Variants in PLPPR5 observed in about 807,000 individuals in gnomAD.
PLPPR5 encodes the protein phospholipid phosphatase related 5, also known as phospholipid phosphatase-related protein type 5.
A neutral mutation model predicts 33.9 loss-of-function variants in PLPPR5; 16 were observed. That is an observed-to-expected ratio of 0.47 (90% CI 0.32 to 0.72). The LOEUF (loss-of-function observed/expected upper bound fraction) is 0.72, where lower values mean the gene tolerates loss of function less well. PLPPR5 is among the 30% of genes least tolerant of loss of function. PLPPR5 has a pLI of 0.03. For missense variants in PLPPR5, 301 were observed against 406.7 expected, an observed-to-expected ratio of 0.74 and a Z score of 2.23; for synonymous variants, 163 against 150.3, an observed-to-expected ratio of 1.08 and a Z score of -0.62.
At chr1:98,913,220 A>G (rs1182357570) in intron 5 of PLPPR5, among the ~76,000 whole-genome samples, 1 of 152,190 alleles carries the variant, frequency 6.6e-6, no homozygotes, top group Non-Finnish European at 1.5e-5. Flanking sequence ...TGTTCCTGCA[A>G]CAGTCCCTCA....
At chr1:98,902,453 T>C (rs1398994679) in intron 5 of PLPPR5, among the ~76,000 whole-genome samples, 1 of 152,174 alleles carries the variant, frequency 6.6e-6, no homozygotes, top group Non-Finnish European at 1.5e-5. Context: ...AGATCATAAA[T>C]ATATGCAAAT....
chr1:98,937,822 C>T (rs1282919650), intron 3 of PLPPR5, among the ~76,000 whole-genome samples: 2 of 152,060 alleles, frequency 1.3e-5, no homozygotes, highest in African/African-American at 4.8e-5. Context: ...TTTGGGGTGG[C>T]TTGTTAAGGA....
intron 1 of PLPPR5, among the ~76,000 whole-genome samples, chr1:98,992,544 G>A (rs1388034835): frequency 6.6e-6 from 1 of 152,064 alleles, no homozygotes; most frequent in Non-Finnish European, 1.5e-5. Context: ...AAAATGGGTA[G>A]ATTTTGGTTA....
At chr1:98,909,539 T>C (rs773060825) in intron 5 of PLPPR5, among the ~76,000 whole-genome samples, 1 of 151,838 alleles carries the variant, frequency 6.6e-6, no homozygotes, top group Non-Finnish European at 1.5e-5. Context: ...TAGTTATGAT[T>C]ATTAAGGGTT....
intron 1 of PLPPR5, among the ~76,000 whole-genome samples, chr1:98,992,867 A>T (rs7519990): frequency 0.018 from 2,723 of 152,216 alleles, 87 homozygotes; most frequent in African/African-American, 0.063. Flanking sequence ...AGGAAATGGC[A>T]AAAAATAACA....
chr1:98,995,658 C>A (rs542768823), intron 1 of PLPPR5, among the ~76,000 whole-genome samples: 1 of 152,024 alleles, frequency 6.6e-6, no homozygotes, highest in South Asian at 2.1e-4. Context: ...ACTTGGGGAC[C>A]CAGAATCCCA....
chr1:98,983,858 T>C (rs1431731192), intron 1 of PLPPR5, among the ~76,000 whole-genome samples: 1 of 152,176 alleles, frequency 6.6e-6, no homozygotes, highest in African/African-American at 2.4e-5. Context: ...TGAACATTTT[T>C]TCATGTGATT....
Position 98,891,274 on chromosome 1 carries a change from GA to G in PLPPR5, c.*1797del, listed in dbSNP as rs1458946721. ...AAGTGTTTTAGCTTCCACAGTGATA[GA>G]AATGGGCAAATAACATCTATTTGGG... On this transcript the variant is annotated 3_prime_UTR_variant, in exon 6 of 6. Transcript: ENST00000263177. The G allele has an allele frequency of 6.6e-6, 1 of 152,050 alleles. No homozygotes were observed. The highest frequency in any genetic ancestry group is 2.4e-5 in the African/African-American group (1 of 41,412). The allele number at this position is 152,050 out of a possible 1,614,324, so 9.4% of individuals were successfully genotyped here.
chr1:98,893,828 C>T (rs1039313553), intron 5 of PLPPR5, among the ~76,000 whole-genome samples: 7 of 151,752 alleles, frequency 4.6e-5, no homozygotes, highest in African/African-American at 1.5e-4. Flanking sequence ...CAACAAATAA[C>T]ATCAGCATTA....
rs536469455 is a variant in PLPPR5, at chr1:98,898,840, C to CT, written c.934-5737dup. Reference sequence around the variant, plus strand: ...GTTTTGTTTCCATTCAGAAGTTTCCCTTTTTTTTACTATTCAGAGAAAGGA... The same window carrying CT: ...GTTTTGTTTCCATTCAGAAGTTTCCCTTTTTTTTTACTATTCAGAGAAAGGA... On this transcript the variant is annotated intron_variant, in intron 5 of 5. Transcript: ENST00000263177. 6.6e-5 allele frequency among the ~76,000 whole-genome samples: 10 copies of CT among 151,856 alleles called. No homozygotes were observed. The East Asian group carries it at 9.7e-4, about 15-fold the overall frequency.
intron 1 of PLPPR5, among the ~76,000 whole-genome samples, chr1:98,978,808 G>C (rs923852700): frequency 1.3e-5 from 2 of 151,922 alleles, no homozygotes; most frequent in East Asian, 1.9e-4. Flanking sequence ...GAATCAATGA[G>C]GTCAAATAAT....
Position 99,004,855 on chromosome 1 carries a change from G to A in PLPPR5, c.-184C>T. On this transcript the variant is annotated 5_prime_UTR_variant, in exon 1 of 6. Coordinates refer to ENST00000263177, the MANE Select transcript of PLPPR5 (RefSeq NM_001037317.2). The stretch of plus-strand genomic sequence containing the variant: ...GGCAGGTCCGGGCTTCGAGGCGCCG[G>A]CAGGCTGCAGAGGAGGCGGCTACCC... The A allele has an allele frequency of 3.9e-6, 1 of 259,666 alleles. No individual in the cohort carries two copies. The highest frequency in any genetic ancestry group is 7.0e-6 in the Non-Finnish European group (1 of 142,538). 16.1% of individuals were successfully genotyped at this position (259,666 alleles called of 1,614,324 possible).
intron 4 of PLPPR5, among the ~76,000 whole-genome samples, chr1:98,921,660 T>C (rs965442766): frequency 2.0e-5 from 3 of 152,190 alleles, no homozygotes; most frequent in Admixed American, 1.3e-4. Context: ...ACTTTAAGCA[T>C]AGGATTTGTA....
rs1429781055 is a variant in PLPPR5, at chr1:99,004,464, A to G, written c.208T>C (p.Ser70Pro). ...AGCACGGGGACCCCGGCGGCCAGCG[A>G]GTAGAGGAGCACGGGGGGCACGGCG... ...SSAVPPVLLY[S>P]LAAGVPVLVI... is the part of the protein sequence containing the mutation. The change falls in exon 1 of 6, where the codon TCG (serine) becomes CCG (proline). Residue 70 changes from serine (S) to proline (P), a missense_variant. Physicochemically the swap from Ser to Pro is moderately conservative, Grantham distance 74. Transcript: ENST00000263177. The G allele has an allele frequency of 6.2e-7, 1 of 1,610,992 alleles. No homozygotes were observed. The highest frequency in any genetic ancestry group is 8.5e-7 in the Non-Finnish European group (1 of 1,178,946).
intron 5 of PLPPR5, among the ~76,000 whole-genome samples, chr1:98,909,258 CCCCCT>C (rs377190274): frequency 1.9e-5 from 2 of 105,974 alleles, no homozygotes; most frequent in African/African-American, 3.5e-5. Flanking sequence ...CCCCTCCCTT[CCCCCT>C]CCCTCCCTTC....
At chr1:98,957,287 GTAAC>G (rs1434187912) in intron 1 of PLPPR5, among the ~76,000 whole-genome samples, 1 of 151,596 alleles carries the variant, frequency 6.6e-6, no homozygotes, top group Admixed American at 6.6e-5. Context: ...GTATACATAT[GTAAC>G]TAACCTGCAC....
At chr1:98,926,251 C>A (rs1248117366) in intron 3 of PLPPR5, among the ~76,000 whole-genome samples, 2 of 152,080 alleles carry the variant, frequency 1.3e-5, no homozygotes, top group African/African-American at 4.8e-5. Context: ...AAGAGTACAG[C>A]CCAAAATTAA....
intron 5 of PLPPR5, among the ~76,000 whole-genome samples, chr1:98,912,849 C>T (rs1649204447): frequency 6.6e-6 from 1 of 152,124 alleles, no homozygotes; most frequent in Admixed American, 6.6e-5. Context: ...TTGACACATA[C>T]TGATGATCAT....
intron 5 of PLPPR5, among the ~76,000 whole-genome samples, chr1:98,898,279 A>C (rs2101132857): frequency 6.6e-6 from 1 of 152,292 alleles, no homozygotes; most frequent in South Asian, 2.1e-4. Flanking sequence ...TTCTGTAAAA[A>C]CATCTGACAC....
Sources: allele counts gnomAD v4.1 joint callset (sites outside exome capture counted in the v4.1 genomes callset), GRCh38; gene constraint gnomAD v4.1.1; transcripts MANE v1.5; gene names NCBI Gene and HGNC (gene_info 2026-07-23, HGNC 2026-07-21).